The following SECISBP2 variants were observed in gnomAD, a reference collection of about 807,000 sequenced individuals.
The protein encoded by SECISBP2 is selenocysteine insertion sequence-binding protein 2.
SECISBP2 carries 96 observed loss-of-function variants against 98.2 expected under a neutral mutation model. The ratio of observed to expected loss-of-function variants is 0.98; its 90% confidence interval spans 0.83 to 1.16. SECISBP2 has a LOEUF of 1.16. SECISBP2 is among the 50% of genes most tolerant of loss of function. The probability of loss-of-function intolerance (pLI) is 0.00; values close to 1 mark genes in which losing one functional copy is unlikely to be tolerated. For synonymous variants in SECISBP2, 407 were observed against 370.2 expected (o/e 1.10, Z -1.14); for missense variants, 1,046 against 1,022.9 (o/e 1.02, Z -0.31).
At chr9:89,346,243 G>T (rs1830400670) in intron 10 of SECISBP2, among the ~76,000 whole-genome samples, 1 of 152,034 alleles carries the variant, frequency 6.6e-6, no homozygotes, top group African/African-American at 2.4e-5. Context: ...TATTGAGATG[G>T]GAAATAGAAC....
At chr9:89,363,145 C>T (rs192740047), downstream of SECISBP2, among the ~76,000 whole-genome samples, 39 of 152,296 alleles carry the variant, frequency 2.6e-4, no homozygotes, top group East Asian at 6.0e-3. Flanking sequence ...TCGTGGGGGC[C>T]CATCTAACTA....
chr9:89,350,603 C>CA (rs1426746895), intron 13 of SECISBP2, 29 bp from the exon 14 acceptor site: 4 of 1,599,790 alleles, frequency 2.5e-6, no homozygotes, highest in African/African-American at 1.3e-5. Context: ...GCCAGTGGCA[C>CA]AATTCCTGAT....
intron 15 of SECISBP2, 33 bp downstream of exon 15, chr9:89,357,598 C>G (rs771564589): frequency 6.2e-7 from 1 of 1,611,952 alleles, no homozygotes; most frequent in South Asian, 1.1e-5. Context: ...TCTTCAGTCA[C>G]TGCCCGTGGG....
chr9:89,318,505 C>A lies in SECISBP2; in HGVS notation c.-72C>A, dbSNP rs769661931. The A allele has an allele frequency of 2.1e-6, 3 of 1,459,902 alleles. No individual in the cohort carries two copies. Among genetic ancestry groups the A allele is most frequent in the African/African-American group, 1.5e-5 (1 of 68,802 alleles). 90.4% of individuals were successfully genotyped at this position (1,459,902 alleles called of 1,614,324 possible). A position where few individuals can be genotyped will look rare whatever the true frequency, so the allele number is the denominator to read the frequency against. The stretch of plus-strand genomic sequence containing the variant: ...CTGGCGTCGCCTGCGGGGGCGGAAA[C>A]GCTTTGTCTGTCCGGCAAGCCGACG... On this transcript the variant is annotated 5_prime_UTR_variant, in exon 1 of 17. Transcript: ENST00000375807.
At chr9:89,319,434 T>C (rs185217692) in intron 1 of SECISBP2, among the ~76,000 whole-genome samples, 1 of 152,338 alleles carries the variant, frequency 6.6e-6, no homozygotes, top group East Asian at 1.9e-4. Context: ...CGTTGTCATT[T>C]TTCACTTTTA....
At chr9:89,341,236 C>T in intron 9 of SECISBP2, 111 bp from the exon 10 acceptor site, 11 of 1,064,604 alleles carry the variant, frequency 1.0e-5, no homozygotes, top group South Asian at 3.2e-5. Context: ...TTTAAAAATT[C>T]TTTTTTATAG....
intron 2 of SECISBP2, 157 bp from the exon 3 acceptor site, chr9:89,325,270 C>T: frequency 1.5e-6 from 1 of 681,996 alleles, no homozygotes; most frequent in South Asian, 1.9e-5. Flanking sequence ...GAAAGAAACA[C>T]CCAGAGATTT....
chr9:89,319,872 A>G (rs3763616), intron 2 of SECISBP2, 75 bp downstream of exon 2: 1,094,407 of 1,473,330 alleles, frequency 0.74, 408,595 homozygotes, highest in African/African-American at 0.94. Flanking sequence ...TCAAATACTC[A>G]GCAGTTACTG....
intron 5 of SECISBP2, chr9:89,332,658 A>G: frequency 3.8e-6 from 2 of 520,524 alleles, no homozygotes; most frequent in South Asian, 2.1e-5. Context: ...TTGTGTGGAC[A>G]TAAGTTTTCA....
At chr9:89,361,022 G>A (rs1832720120), downstream of SECISBP2, 1 of 152,300 alleles carries the variant, frequency 6.6e-6, no homozygotes, top group Non-Finnish European at 1.5e-5. Flanking sequence ...GTTTGTAGTG[G>A]TTGAAGCCAC....
At chr9:89,331,503 A>T (rs1224155713) in intron 5 of SECISBP2, among the ~76,000 whole-genome samples, 2 of 152,202 alleles carry the variant, frequency 1.3e-5, no homozygotes, top group African/African-American at 4.8e-5. Context: ...TACTTAATGG[A>T]TTCAACTTTG....
chr9:89,346,266 T>C (rs1001337495), intron 10 of SECISBP2, among the ~76,000 whole-genome samples: 1 of 152,192 alleles, frequency 6.6e-6, no homozygotes, highest in Non-Finnish European at 1.5e-5. Context: ...AAAAGGAGAA[T>C]AAAATTGAAA....
chr9:89,358,741 C>G lies in SECISBP2; in HGVS notation c.2482C>G (p.Leu828Val), dbSNP rs752353387. 6.2e-7 allele frequency: 1 copy of G among 1,613,198 alleles called. No homozygotes were observed. The highest frequency in any genetic ancestry group is 1.1e-5 in the South Asian group (1 of 91,056). The change falls in exon 17 of 17, where the codon CTG becomes GTG. Residue 828 changes from leucine (L) to valine (V), a missense_variant. Transcript: ENST00000375807. ...PHYIEIWKKH[L>V]EAYSGCTLEL... ...TTTAGTTGAAATCTGGAAAAAACAT[C>G]TGGAAGCATACAGTGGATGTACCCT... is the stretch of plus-strand genomic sequence containing the variant.
Position 89,347,969 on chromosome 9 carries a change from A to G in SECISBP2, c.1603-110A>G, listed in dbSNP as rs916081802. On this transcript the variant is annotated intron_variant, in intron 11 of 16. Transcript: ENST00000375807. ...GGGAGCACTTGGCTGCTCTCAGGGCACTAAGAGGCACATTGCCAAAAAGTT... is the reference window on the plus strand; with the variant it reads ...GGGAGCACTTGGCTGCTCTCAGGGCGCTAAGAGGCACATTGCCAAAAAGTT... The G allele has an allele frequency of 2.2e-5, 23 of 1,039,684 alleles. No homozygotes were observed. In the African/African-American group the frequency reaches 3.7e-4, roughly 16 times the overall value. 64.4% of individuals were successfully genotyped at this position (1,039,684 alleles called of 1,614,324 possible). A position where few individuals can be genotyped will look rare whatever the true frequency, so the allele number is the denominator to read the frequency against.
At chr9:89,346,807 G>A in intron 10 of SECISBP2, 75 bp from the exon 11 acceptor site, 1 of 1,575,940 alleles carries the variant, frequency 6.3e-7, no homozygotes, top group Non-Finnish European at 8.7e-7. Context: ...GGCAGCCCCT[G>A]GGCGAGCTGC....
rs1352622987 is a variant in SECISBP2, at chr9:89,346,981, C to T, written c.1535C>T (p.Ala512Val). 2 of 1,614,090 alleles carry T rather than the reference C, an allele frequency of 1.2e-6. No homozygotes were observed. The highest frequency in any genetic ancestry group is 1.1e-5 in the South Asian group (1 of 91,090). The change falls in exon 11 of 17, where the codon GCC (alanine) becomes GTC (valine). Residue 512 changes from alanine (A) to valine (V), a missense_variant. Transcript: ENST00000375807. ...CCGCACAATCCCTTGGACTCCAGCGCCCCACTGATGAAGAAAGGGAAGCAG... is the reference window on the plus strand; with the variant it reads ...CCGCACAATCCCTTGGACTCCAGCGTCCCACTGATGAAGAAAGGGAAGCAG... ...KTPHNPLDSS[A>V]PLMKKGKQRE...
downstream of SECISBP2, chr9:89,362,298 G>A: frequency 1.2e-5 from 19 of 1,600,520 alleles, no homozygotes; most frequent in Non-Finnish European, 1.6e-5. Flanking sequence ...GGGCAAGACA[G>A]TTCACAGTTG....
At chr9:89,343,012 A>G (rs1267915712) in intron 10 of SECISBP2, among the ~76,000 whole-genome samples, 2 of 152,246 alleles carry the variant, frequency 1.3e-5, no homozygotes, top group Non-Finnish European at 2.9e-5. Flanking sequence ...TCCACTTGAT[A>G]TGATGACATT....
In SECISBP2 at chr9:89,349,779, C is replaced by G; in HGVS notation, c.1742C>G (p.Pro581Arg). The part of the protein sequence containing the change: ...QFPEQAELSG[P>R]EGMDELISTP... Reference sequence around the variant, plus strand: ...GATGCCTTTTTCCTCCATGAAGGGCCAGAGGGGATGGACGAACTGATCTCC... The same window carrying G: ...GATGCCTTTTTCCTCCATGAAGGGCGAGAGGGGATGGACGAACTGATCTCC... The change falls in exon 13 of 17, where the codon CCA becomes CGA. Residue 581 changes from proline (P) to arginine (R), a missense_variant. Pro to Arg is a moderately radical substitution (Grantham distance 103). Transcript: ENST00000375807. The G allele has an allele frequency of 6.2e-7, 1 of 1,614,172 alleles. No homozygotes were observed. The highest frequency in any genetic ancestry group is 8.5e-7 in the Non-Finnish European group (1 of 1,180,030).
Sources: gnomAD v4.1 joint callset for allele counts (sites outside exome capture counted in the v4.1 genomes callset) on GRCh38, gnomAD v4.1.1 for gene constraint, MANE v1.5 for transcripts, NCBI Gene and HGNC (gene_info 2026-07-23, HGNC 2026-07-21) for gene names.